The following MZT2B variants were observed in gnomAD, a reference collection of about 807,000 sequenced individuals.
MZT2B encodes the protein mitotic spindle organizing protein 2B, also known as mitotic-spindle organizing protein 2B.
Under a neutral mutation model 12.1 loss-of-function variants are expected in MZT2B, and 11 were observed. The ratio of observed to expected loss-of-function variants is 0.91; its 90% CI spans 0.57 to 1.50. The LOEUF is 1.50. Ranked by LOEUF, MZT2B falls within the 40% of genes most tolerant of loss-of-function variation. The pLI is 0.00. For missense variants in MZT2B, 209 were observed against 227.7 expected, an observed-to-expected ratio of 0.92 and a Z score of 0.53; for synonymous variants, 85 against 109.5, an observed-to-expected ratio of 0.78 and a Z score of 1.40.
At chr2:130,184,768 G>A in intron 2 of MZT2B, 1 of 985,436 alleles carries the variant, frequency 1.0e-6, no homozygotes, top group South Asian at 4.7e-5. Context: ...TGCTCACTCA[G>A]CACTCACTCA....
chr2:130,194,363 T>C, downstream of MZT2B: 1 of 1,613,174 alleles, frequency 6.2e-7, no homozygotes, highest in Non-Finnish European at 8.5e-7. Flanking sequence ...CTTGCTGTAA[T>C]CCACTGAGAG....
chr2:130,197,181 CT>C, the MZT2B span, among the ~76,000 whole-genome samples: 4 of 152,142 alleles, frequency 2.6e-5, 1 homozygote, highest in African/African-American at 9.7e-5. Flanking sequence ...CTGCACTGTC[CT>C]TTGGTGGTTT....
chr2:130,190,362 T>G (rs1690218889), intron 2 of MZT2B, 107 bp from the exon 3 acceptor site: 2 of 1,519,826 alleles, frequency 1.3e-6, no homozygotes, highest in Non-Finnish European at 1.8e-6. Flanking sequence ...GAAGGGACTT[T>G]GATGGAAATG....
At chr2:130,202,213 A>G in the MZT2B span, 1,729 of 973,474 alleles carry the variant, frequency 1.8e-3, 27 homozygotes, top group African/African-American at 0.027. Flanking sequence ...ACTAAAAAAA[A>G]CAGTCCTGTG....
the MZT2B span, among the ~76,000 whole-genome samples, chr2:130,202,938 C>T: frequency 6.6e-6 from 1 of 152,146 alleles, no homozygotes; most frequent in African/African-American, 2.4e-5. Flanking sequence ...TGGCTGATTC[C>T]CCCATAACTC....
At chr2:130,182,157 C>G (rs1190689295), upstream of MZT2B, 4 of 1,258,714 alleles carry the variant, frequency 3.2e-6, no homozygotes, top group African/African-American at 1.6e-5. Flanking sequence ...GCCCCGTCCC[C>G]GCGCTCCCGC....
At chr2:130,182,222 G>T, upstream of MZT2B, 1 of 1,231,480 alleles carries the variant, frequency 8.1e-7, no homozygotes, top group Non-Finnish European at 1.0e-6. Flanking sequence ...GGGAGAGGGT[G>T]GTGGGCGCAG....
chr2:130,192,109 G>C (rs747036236), downstream of MZT2B: 13 of 1,597,794 alleles, frequency 8.1e-6, no homozygotes, highest in Non-Finnish European at 1.1e-5. Context: ...ACTGTGGGGG[G>C]CTGGTAGTTA....
chr2:130,187,086 A>G (rs1690092928), intron 2 of MZT2B, among the ~76,000 whole-genome samples: 1 of 151,828 alleles, frequency 6.6e-6, no homozygotes, highest in African/African-American at 2.4e-5. Context: ...ACAGAGGTGA[A>G]TGCAACATCT....
chr2:130,203,613 C>A, the MZT2B span, among the ~76,000 whole-genome samples: 1 of 151,352 alleles, frequency 6.6e-6, no homozygotes, highest in African/African-American at 2.4e-5. Flanking sequence ...TCTTTTCTTT[C>A]TTTTTTAGTT....
upstream of MZT2B, chr2:130,181,891 C>G: frequency 7.9e-6 from 12 of 1,519,126 alleles, no homozygotes; most frequent in Non-Finnish European, 1.1e-5. Context: ...AAAGCGACCC[C>G]TAGTGGTGCA....
chr2:130,194,730 T>A (rs1690362052), downstream of MZT2B, among the ~76,000 whole-genome samples: 2 of 152,078 alleles, frequency 1.3e-5, no homozygotes, highest in Admixed American at 1.3e-4. Flanking sequence ...CAGGTTAGAG[T>A]GCAGTGGTGC....
chr2:130,184,971 C>T (rs1443640288), intron 2 of MZT2B: 1 of 797,822 alleles, frequency 1.3e-6, no homozygotes, highest in African/African-American at 1.9e-5. Flanking sequence ...TCAAGACCAG[C>T]CTGGGCAACA....
At chr2:130,192,253 G>A (rs1690282331), downstream of MZT2B, 26 of 1,335,602 alleles carry the variant, frequency 1.9e-5, no homozygotes, top group Non-Finnish European at 2.3e-5. Flanking sequence ...CCTCACAAAC[G>A]TCACTAAGCC....
rs115906478 is a variant in MZT2B at position 130,184,737 on chromosome 2, T to C, written c.319+1962T>C. The C allele has an allele frequency of 6.9e-3, 6,761 of 985,338 alleles. 228 individuals carry two copies. In the African/African-American group the frequency reaches 0.088, roughly 13 times the overall value. The allele number at this position is 985,338 out of a possible 1,614,324, so 61.0% of individuals were successfully genotyped here. A position where few individuals can be genotyped will look rare whatever the true frequency, so the allele number is the denominator to read the frequency against. On this transcript the variant is annotated intron_variant, in intron 2 of 2. Transcript: ENST00000281871. ...AGGGAGAAACTGGGAACAGAGTCCT[T>C]GTCACTCCAGGGGATGTTGCTGCTC...
chr2:130,193,307 G>A (rs1690314657), downstream of MZT2B, among the ~76,000 whole-genome samples: 1 of 151,768 alleles, frequency 6.6e-6, no homozygotes, highest in South Asian at 2.1e-4. Context: ...GACTCAGAAA[G>A]AGTTCAAAAG....
chr2:130,194,102 G>T (rs1367351497), downstream of MZT2B: 12 of 1,614,218 alleles, frequency 7.4e-6, no homozygotes, highest in Non-Finnish European at 1.0e-5. Flanking sequence ...CACATTCAGG[G>T]CCCCATCAAA....
chr2:130,193,305 A>C (rs1401378673), downstream of MZT2B, among the ~76,000 whole-genome samples: 2 of 151,844 alleles, frequency 1.3e-5, no homozygotes, highest in East Asian at 1.9e-4. Context: ...ATGACTCAGA[A>C]AGAGTTCAAA....
chr2:130,194,174 G>T (rs562742057), downstream of MZT2B: 107 of 1,613,714 alleles, frequency 6.6e-5, 2 homozygotes, highest in East Asian at 2.4e-3. Context: ...GTTGGTGTAC[G>T]TGGGACGTTC....
Sources: allele counts gnomAD v4.1 joint callset (sites outside exome capture counted in the v4.1 genomes callset), GRCh38; gene constraint gnomAD v4.1.1; transcripts MANE v1.5; gene names NCBI Gene and HGNC (gene_info 2026-07-23, HGNC 2026-07-21).